RALY: variants seen among roughly 807,000 people sequenced by gnomAD.
The protein encoded by RALY is RALY heterogeneous nuclear ribonucleoprotein, also known as RNA-binding protein Raly.
Under a neutral mutation model 30.7 loss-of-function variants are expected in RALY, and 15 were observed. The observed-to-expected ratio is 0.49, with a 90% CI of 0.33 to 0.75. The LOEUF is 0.75. Ranked by LOEUF, RALY falls within the 30% of genes least tolerant of loss-of-function variation. The probability of loss-of-function intolerance (pLI) is 0.02; values close to 1 mark genes in which losing one functional copy is unlikely to be tolerated. For synonymous variants in RALY, 177 were observed against 170.8 expected (o/e 1.04, Z -0.28); for missense variants, 339 against 414.3 (o/e 0.82, Z 1.58).
At chr20:34,013,429 A>G (rs959405997) in intron 1 of RALY, among the ~76,000 whole-genome samples, 5 of 143,164 alleles carry the variant, frequency 3.5e-5, no homozygotes, top group African/African-American at 1.5e-4. Context: ...AAAAAAAAAA[A>G]AAAAAAAGGC....
At chr20:34,068,385 A>G (rs577776715) in intron 2 of RALY, among the ~76,000 whole-genome samples, 39 of 152,180 alleles carry the variant, frequency 2.6e-4, no homozygotes, top group Non-Finnish European at 5.0e-4. Flanking sequence ...GGTCTGTGGA[A>G]GTGGGTGTTT....
At chr20:34,006,337 A>G (rs1244793660) in intron 1 of RALY, among the ~76,000 whole-genome samples, 1 of 152,198 alleles carries the variant, frequency 6.6e-6, no homozygotes, top group East Asian at 1.9e-4. Context: ...GTGTGTCTCT[A>G]AAAGATGACT....
intron 2 of RALY, among the ~76,000 whole-genome samples, chr20:34,047,375 C>G (rs1197447499): frequency 7.2e-5 from 11 of 151,990 alleles, no homozygotes; most frequent in Admixed American, 6.5e-4. Context: ...GAGCAGGGGG[C>G]AGTGTTGATG....
chr20:34,026,774 C>A (rs746022000), intron 1 of RALY, among the ~76,000 whole-genome samples: 6 of 152,114 alleles, frequency 3.9e-5, no homozygotes, highest in Non-Finnish European at 5.9e-5. Context: ...GCACTCCTTA[C>A]ATCTCCCTTG....
chr20:34,055,697 C>T (rs1049084921), intron 2 of RALY, among the ~76,000 whole-genome samples: 4 of 152,188 alleles, frequency 2.6e-5, no homozygotes, highest in South Asian at 2.1e-4. Flanking sequence ...CACTGCCCAA[C>T]GGCTCATACC....
At chr20:34,056,340 G>T (rs1159817214) in intron 2 of RALY, among the ~76,000 whole-genome samples, 1 of 152,098 alleles carries the variant, frequency 6.6e-6, no homozygotes, top group Non-Finnish European at 1.5e-5. Flanking sequence ...GACTCTTCTT[G>T]TCTGAGTCGT....
In RALY at chr20:34,084,034, T is replaced by G. The variant is rs1188996201; in HGVS notation, c.*4129T>G. On this transcript the variant is annotated 3_prime_UTR_variant, in exon 10 of 10. Coordinates refer to ENST00000246194, the MANE Select transcript of RALY (RefSeq NM_016732.3). ...CCACAACCACCCTCAGTAGGTGTAG[T>G]AAGGACTTCTGGTTACAAGTTACAG... 6.6e-6 allele frequency: 1 copy of G among 152,226 alleles called. No homozygotes were observed. Among genetic ancestry groups the G allele is most frequent in the East Asian group, 1.9e-4 (1 of 5,198 alleles). The allele number at this position is 152,226 out of a possible 1,614,324, so 9.4% of individuals were successfully genotyped here. A position where few individuals can be genotyped will look rare whatever the true frequency, so the allele number is the denominator to read the frequency against.
chr20:34,026,321 T>C (rs1026522600), intron 1 of RALY, among the ~76,000 whole-genome samples: 4 of 152,150 alleles, frequency 2.6e-5, no homozygotes, highest in Admixed American at 6.5e-5. Context: ...TAAAAGTCCT[T>C]GGTTCTGGTA....
intron 1 of RALY, among the ~76,000 whole-genome samples, chr20:34,016,077 G>T (rs1487024238): frequency 6.6e-6 from 1 of 151,970 alleles, no homozygotes; most frequent in Non-Finnish European, 1.5e-5. Context: ...TTACATCTGC[G>T]CACAAGTCCT....
At chr20:34,077,367 C>CA (rs2033922746) in intron 8 of RALY, 122 bp downstream of exon 8, 1 of 1,543,666 alleles carries the variant, frequency 6.5e-7, no homozygotes, top group Non-Finnish European at 8.7e-7. Flanking sequence ...CTCTCCTTCC[C>CA]AGGGGTTCTG....
chr20:34,035,334 G>A (rs2032455479), intron 2 of RALY, among the ~76,000 whole-genome samples: 1 of 152,034 alleles, frequency 6.6e-6, no homozygotes. Flanking sequence ...ATTATTTATA[G>A]TATCTACTAT....
intron 1 of RALY, among the ~76,000 whole-genome samples, chr20:34,009,586 C>T (rs1424859577): frequency 6.6e-6 from 1 of 152,140 alleles, no homozygotes; most frequent in Non-Finnish European, 1.5e-5. Flanking sequence ...CTAGTCCATG[C>T]TTTAGAAGCT....
Position 34,072,290 on chromosome 20 carries a change from G to T in RALY, c.216G>T (p.Val72=). Residue 72 remains valine, a synonymous_variant, in exon 3 of 10, where the codon GTG becomes GTT. Transcript: ENST00000246194. ...ATGAGCGCCATGCCCGGGCAGCTGT[G>T]CTGGGAGAGAATGGGCGGGTGCTGG... The part of the protein sequence containing the change: ...YSNERHARAA[V]LGENGRVLAG... 6.2e-7 allele frequency: 1 copy of T among 1,613,920 alleles called. No individual in the cohort carries two copies. The highest frequency in any genetic ancestry group is 8.5e-7 in the Non-Finnish European group (1 of 1,180,046).
chr20:34,027,268 C>G (rs1245016069), intron 1 of RALY, among the ~76,000 whole-genome samples: 1 of 152,188 alleles, frequency 6.6e-6, no homozygotes, highest in Non-Finnish European at 1.5e-5. Context: ...CAAATGCTAG[C>G]TTTGTTGCTT....
chr20:34,036,462 A>G (rs2032500669), intron 2 of RALY, among the ~76,000 whole-genome samples: 1 of 152,186 alleles, frequency 6.6e-6, no homozygotes, highest in South Asian at 2.1e-4. Flanking sequence ...TCCTTTTTAT[A>G]TGGAGTTAGA....
chr20:34,072,635 T>C (rs2033759676), intron 3 of RALY, among the ~76,000 whole-genome samples: 1 of 152,188 alleles, frequency 6.6e-6, no homozygotes, highest in Non-Finnish European at 1.5e-5. Context: ...TAGAACAGCC[T>C]GTTACACCGG....
At chr20:34,035,658 C>T (rs2056990) in intron 2 of RALY, among the ~76,000 whole-genome samples, 112,799 of 152,160 alleles carry the variant, frequency 0.74, 42,273 homozygotes, top group South Asian at 0.85. Flanking sequence ...TTTAAAGATA[C>T]ACATTTATTC....
chr20:34,061,961 T>G (rs1171365306), intron 2 of RALY, among the ~76,000 whole-genome samples: 2 of 152,236 alleles, frequency 1.3e-5, no homozygotes, highest in Non-Finnish European at 2.9e-5. Flanking sequence ...CTAACTTACT[T>G]TGTTACCTTG....
intron 2 of RALY, among the ~76,000 whole-genome samples, chr20:34,055,006 C>T (rs1277904780): frequency 3.9e-5 from 6 of 152,122 alleles, no homozygotes; most frequent in Non-Finnish European, 8.8e-5. Context: ...AACATTATCT[C>T]ATTGAATTCT....
Sources: allele counts gnomAD v4.1 joint callset (sites outside exome capture counted in the v4.1 genomes callset), GRCh38; gene constraint gnomAD v4.1.1; transcripts MANE v1.5; gene names NCBI Gene and HGNC (gene_info 2026-07-23, HGNC 2026-07-21).